Variants in FBXL18 observed in about 807,000 individuals in gnomAD.
FBXL18 encodes F-box/LRR-repeat protein 18.
In FBXL18, 36 loss-of-function variants were observed where a neutral mutation model predicts 46.0. The observed-to-expected ratio is 0.78, with a 90% confidence interval of 0.60 to 1.03. The LOEUF is 1.03. FBXL18 is among the 50% of genes least tolerant of loss of function. The pLI is 0.00. For missense variants in FBXL18, 977 were observed against 1,004.1 expected (o/e 0.97, Z 0.36); for synonymous variants, 557 against 465.3 (o/e 1.20, Z -2.54).
rs868103974 is a variant in FBXL18 at position 5,455,030 on chromosome 7, A to G, written c.2001-7187T>C. On this transcript the variant is annotated intron_variant and NMD_transcript_variant, in intron 4 of 6. Transcript: ENST00000415009. This position sits in a 1 kb window ranked among gnomAD's most constrained non-coding sequence, Gnocchi z 4.6. ...TGGTGCTCTAAGAGTGATCCCAGTCACACTGGCACTCCGAGTGCCACCTTC... is the reference window on the plus strand; with the variant it reads ...TGGTGCTCTAAGAGTGATCCCAGTCGCACTGGCACTCCGAGTGCCACCTTC... 9.9e-5 allele frequency among the ~76,000 whole-genome samples: 15 copies of G among 152,170 alleles called. No individual in the cohort carries two copies. Among genetic ancestry groups the G allele is most frequent in the African/African-American group, 2.4e-4 (10 of 41,442 alleles).
chr7:5,490,080 G>T (rs577930707), intron 4 of FBXL18: 3 of 1,359,498 alleles, frequency 2.2e-6, no homozygotes, highest in African/African-American at 3.0e-5. Context: ...GCGGCCGACC[G>T]CAAGGACAAC....
At chr7:5,459,912 CTAAATAAA>C (rs113042562) in intron 4 of FBXL18, among the ~76,000 whole-genome samples, 24,715 of 151,336 alleles carry the variant, frequency 0.16, 2,143 homozygotes, top group South Asian at 0.28. Flanking sequence ...GACTCTGTCT[CTAAATAAA>C]TAAATAAATA....
rs1331435932 is a variant in FBXL18 at position 5,501,563 on chromosome 7, G to A, written c.706C>T (p.Arg236Cys). ...HYQNLRVFYA[R>C]LAPGYINQEV... The stretch of plus-strand genomic sequence containing the variant: ...TGGTTGATGTAGCCGGGGGCCAGGC[G>A]CGCATAGAAGACCCGCAGGTTCTGG... The change falls in exon 3 of 5, where the codon CGC (arginine) becomes TGC (cysteine). Residue 236 changes from arginine to cysteine, a missense_variant. By Grantham distance (180) the Arg-to-Cys change is radical (BLOSUM62 -3). Coordinates refer to ENST00000382368, the MANE Select transcript of FBXL18 (RefSeq NM_024963.6). 4 of 1,613,740 alleles carry A rather than the reference G, an allele frequency of 2.5e-6. No homozygotes were observed. Among genetic ancestry groups the A allele is most frequent in the South Asian group, 2.2e-5 (2 of 91,084 alleles).
In FBXL18 at chr7:5,500,797, A is replaced by G; in HGVS notation, c.1472T>C (p.Ile491Thr). The G allele has an allele frequency of 6.2e-7, 1 of 1,612,594 alleles. No homozygotes were observed. Among genetic ancestry groups the G allele is most frequent in the East Asian group, 2.2e-5 (1 of 44,858 alleles). ...CATGGCGGAGGAGAAGTTGGACCCAATCAGCTCGAGGTGTTCCAGGAAGGG... is the reference window on the plus strand; with the variant it reads ...CATGGCGGAGGAGAAGTTGGACCCAGTCAGCTCGAGGTGTTCCAGGAAGGG... Reference protein sequence around the residue: ...NLPFLEHLELIGSNFSSAMPR... With the variant: ...NLPFLEHLELTGSNFSSAMPR... The change falls in exon 3 of 5, where the codon ATT (isoleucine) becomes ACT (threonine). Residue 491 changes from isoleucine to threonine, a missense_variant. Ile to Thr is a moderately conservative substitution (Grantham distance 89, BLOSUM62 -1). Coordinates refer to ENST00000382368, the MANE Select transcript of FBXL18 (RefSeq NM_024963.6).
chr7:5,501,110 G>A lies in FBXL18; in HGVS notation c.1159C>T (p.His387Tyr), dbSNP rs1206925493. ...TGGTGGGCGGCCGAGAGGTTCAGGTGGCGCAGGTTGCAGCAGGACGCCACC... is the reference window on the plus strand; with the variant it reads ...TGGTGGGCGGCCGAGAGGTTCAGGTAGCGCAGGTTGCAGCAGGACGCCACC... ...TLVASCCNLR[H>Y]LNLSAAHHHS... Residue 387 changes from histidine (H) to tyrosine (Y), a missense_variant, in exon 3 of 5, where the codon CAC becomes TAC. By Grantham distance (83) the His-to-Tyr change is moderately conservative. Coordinates refer to ENST00000382368, the MANE Select transcript of FBXL18 (RefSeq NM_024963.6). 1 of 1,612,938 alleles carries A rather than the reference G, an allele frequency of 6.2e-7. No individual in the cohort carries two copies.
intron 4 of FBXL18, among the ~76,000 whole-genome samples, chr7:5,482,877 A>G (rs1783684034): frequency 6.6e-6 from 1 of 151,828 alleles, no homozygotes; most frequent in South Asian, 2.1e-4. Flanking sequence ...CTCTATAAAA[A>G]ATTTTAAAAA....
intron 4 of FBXL18, among the ~76,000 whole-genome samples, chr7:5,456,833 G>A (rs1243974183): frequency 6.6e-6 from 1 of 152,060 alleles, no homozygotes; most frequent in South Asian, 2.1e-4. Context: ...GTGCAATCTC[G>A]GCTCACTGCA....
Position 5,501,865 on chromosome 7 carries a change from C to A in FBXL18, c.404G>T (p.Arg135Leu). 1 of 1,602,146 alleles carries A rather than the reference C, an allele frequency of 6.2e-7. No individual in the cohort carries two copies. The highest frequency in any genetic ancestry group is 8.5e-7 in the Non-Finnish European group (1 of 1,175,610). ...NLSGCHLTSL[R>L]LSKMLSALQH... ...CAGGGCCGAGAGCATCTTGGAGAGG[C>A]GCAGGGAAGTGAGGTGGCAGCCCGA... Residue 135 changes from arginine (R) to leucine (L), a missense_variant, in exon 3 of 5, where the codon CGC becomes CTC. Coordinates refer to ENST00000382368, the MANE Select transcript of FBXL18 (RefSeq NM_024963.6).
chr7:5,463,702 A>ATATATATATT (rs1479898344), intron 4 of FBXL18, among the ~76,000 whole-genome samples: 1 of 69,030 alleles, frequency 1.4e-5, no homozygotes, highest in Non-Finnish European at 2.5e-5. Context: ...AACTATATAT[A>ATATATATATT]TATTTATTTA....
At chr7:5,489,216 G>C in intron 4 of FBXL18, 1 of 517,166 alleles carries the variant, frequency 1.9e-6, no homozygotes, top group Non-Finnish European at 3.9e-6. Flanking sequence ...TGACACAAGA[G>C]GACTCCACGG....
intron 4 of FBXL18, among the ~76,000 whole-genome samples, chr7:5,454,650 A>G (rs1202982816): frequency 6.6e-6 from 1 of 152,180 alleles, no homozygotes; most frequent in Non-Finnish European, 1.5e-5. Context: ...CTCATTTTAC[A>G]GATGGGGCCC....
At chr7:5,489,240 T>G (rs1056186654) in intron 4 of FBXL18, 2 of 518,770 alleles carry the variant, frequency 3.9e-6, no homozygotes, top group African/African-American at 3.8e-5. Flanking sequence ...AGTGTTACAT[T>G]TTTAAAAATC....
intron 4 of FBXL18, chr7:5,490,163 C>T (rs748534074): frequency 7.4e-7 from 1 of 1,356,080 alleles, no homozygotes; most frequent in African/African-American, 1.5e-5. Flanking sequence ...GATGGCTCTT[C>T]TCGCAACTCT....
chr7:5,459,014 A>G (rs930738972), intron 4 of FBXL18, among the ~76,000 whole-genome samples: 10 of 152,190 alleles, frequency 6.6e-5, no homozygotes, highest in African/African-American at 2.4e-4. Flanking sequence ...TTAACTGGGC[A>G]TGGTGGTATG....
chr7:5,489,883 T>C (rs1488241122), intron 4 of FBXL18: 1 of 755,762 alleles, frequency 1.3e-6, no homozygotes, highest in Non-Finnish European at 1.9e-6. Flanking sequence ...AAGCAGAGGT[T>C]GCAGTGAGCT....
chr7:5,481,199 CA>C lies in FBXL18; in HGVS notation c.*575del. On this transcript the variant is annotated 3_prime_UTR_variant, in exon 5 of 5. Transcript: ENST00000382368. ...AAAGCCCCAGAGACATGAGTGGGCT[CA>C]AGTGTGTCCTAATGGGATGGAGAGT... The C allele has an allele frequency of 6.5e-6, 1 of 153,444 alleles. No individual in the cohort carries two copies. Among genetic ancestry groups the C allele is most frequent in the Non-Finnish European group, 1.5e-5 (1 of 68,794 alleles). 9.5% of individuals were successfully genotyped at this position (153,444 alleles called of 1,614,324 possible). A position where few individuals can be genotyped will look rare whatever the true frequency, so the allele number is the denominator to read the frequency against.
intron 4 of FBXL18, among the ~76,000 whole-genome samples, chr7:5,483,371 G>C (rs1049433965): frequency 2.6e-5 from 4 of 151,868 alleles, no homozygotes; most frequent in Non-Finnish European, 5.9e-5. Flanking sequence ...AACCCAGGAG[G>C]TGGAGTTTCC....
intron 2 of FBXL18, among the ~76,000 whole-genome samples, chr7:5,503,297 TGGCTTG>T (rs1784314790): frequency 6.6e-6 from 1 of 152,170 alleles, no homozygotes; most frequent in Non-Finnish European, 1.5e-5. Context: ...GGCAGGAGGA[TGGCTTG>T]AGCCTGGGAG....
rs188550408 is a variant in FBXL18, at chr7:5,491,935, G to C, written c.1782-486C>G. On this transcript the variant is annotated intron_variant, in intron 3 of 4. Coordinates refer to ENST00000382368, the MANE Select transcript of FBXL18 (RefSeq NM_024963.6). The stretch of plus-strand genomic sequence containing the variant: ...TAATCCGGGAGGCTGGTGTGGGGGA[G>C]GGAGAGGGCGAGAATCTGGGAGGCA... Among the ~76,000 whole-genome samples the C allele has an allele frequency of 7.0e-3, 1,062 of 152,068 alleles. 11 individuals carry two copies. The highest frequency in any genetic ancestry group is 0.024 in the African/African-American group (1,000 of 41,464).
Sources: gnomAD v4.1 joint callset for allele counts (sites outside exome capture counted in the v4.1 genomes callset) on GRCh38, gnomAD v4.1.1 for gene constraint, Gnocchi (gnomAD v3.1) non-coding constraint, MANE v1.5 for transcripts, NCBI Gene and HGNC (gene_info 2026-07-23, HGNC 2026-07-21) for gene names.